ZRANB3: variants seen among roughly 807,000 people sequenced by gnomAD.
The protein encoded by ZRANB3 is DNA annealing helicase and endonuclease ZRANB3.
Under a neutral mutation model 133.8 loss-of-function variants are expected in ZRANB3, and 125 were observed. That is an observed-to-expected ratio of 0.93 (90% CI 0.81 to 1.08). ZRANB3 has a LOEUF of 1.08. Among genes scored for constraint, ZRANB3 ranks in the 50% least tolerant of loss-of-function variants. The probability of loss-of-function intolerance (pLI) is 0.00; values close to 1 mark genes in which losing one functional copy is unlikely to be tolerated. For synonymous variants in ZRANB3, 387 were observed against 432.7 expected, an observed-to-expected ratio of 0.89 and a Z score of 1.31; for missense variants, 1,229 against 1,275.5, an observed-to-expected ratio of 0.96 and a Z score of 0.56.
chr2:135,244,836 A>T (rs555128431), intron 12 of ZRANB3, among the ~76,000 whole-genome samples: 1 of 152,332 alleles, frequency 6.6e-6, no homozygotes, highest in African/African-American at 2.4e-5. Context: ...AGGCAGGTTG[A>T]GAGGTAAGGT....
chr2:135,260,989 GTA>G, intron 12 of ZRANB3, among the ~76,000 whole-genome samples: 1 of 145,862 alleles, frequency 6.9e-6, no homozygotes, highest in South Asian at 2.1e-4. Context: ...TATATATGTA[GTA>G]TATATATACT....
At chr2:135,420,601 T>C (rs2104968662) in intron 2 of ZRANB3, among the ~76,000 whole-genome samples, 1 of 152,320 alleles carries the variant, frequency 6.6e-6, no homozygotes, top group South Asian at 2.1e-4. Flanking sequence ...ATCCTACTTC[T>C]GAGGCTGAAG....
At chr2:135,202,701 G>T in intron 20 of ZRANB3, 131 bp downstream of exon 20, 1 of 1,143,816 alleles carries the variant, frequency 8.7e-7, no homozygotes, top group Non-Finnish European at 1.2e-6. Flanking sequence ...GTTGGGTGAT[G>T]AAAGGAGTAA....
chr2:135,237,661 A>G (rs904572149), intron 12 of ZRANB3, among the ~76,000 whole-genome samples: 4 of 152,106 alleles, frequency 2.6e-5, no homozygotes, highest in African/African-American at 9.7e-5. Context: ...TGAAGCTGGA[A>G]ACCATCATTC....
At chr2:135,213,835 A>G (rs1694198876) in intron 17 of ZRANB3, among the ~76,000 whole-genome samples, 1 of 152,166 alleles carries the variant, frequency 6.6e-6, no homozygotes, top group Non-Finnish European at 1.5e-5. Flanking sequence ...GCTCACTTTA[A>G]GATAGGGAGA....
At chr2:135,236,835 C>A (rs1695309022) in intron 12 of ZRANB3, among the ~76,000 whole-genome samples, 1 of 152,146 alleles carries the variant, frequency 6.6e-6, no homozygotes, top group Non-Finnish European at 1.5e-5. Context: ...ACCATAAAAG[C>A]CCTAGAAGAA....
chr2:135,386,747 A>G (rs903196905), intron 3 of ZRANB3, among the ~76,000 whole-genome samples: 1 of 152,212 alleles, frequency 6.6e-6, no homozygotes, highest in African/African-American at 2.4e-5. Context: ...CAAAGACAGA[A>G]AACTAAACAC....
At chr2:135,315,811 C>T (rs1280246598) in intron 6 of ZRANB3, among the ~76,000 whole-genome samples, 1 of 152,176 alleles carries the variant, frequency 6.6e-6, no homozygotes, top group African/African-American at 2.4e-5. Context: ...CACTAGGTCA[C>T]TGTTTGTAAA....
chr2:135,282,224 C>T (rs1681129678), intron 8 of ZRANB3, among the ~76,000 whole-genome samples: 1 of 152,066 alleles, frequency 6.6e-6, no homozygotes, highest in Admixed American at 6.6e-5. Context: ...ATAAGCAGAG[C>T]CAAGTACCAA....
chr2:135,256,560 T>A (rs1017135960), intron 12 of ZRANB3, among the ~76,000 whole-genome samples: 1 of 152,114 alleles, frequency 6.6e-6, no homozygotes, highest in Non-Finnish European at 1.5e-5. Context: ...ACTCCCAACC[T>A]CAGGTGACCC....
At chr2:135,255,533 C>A (rs1300717021) in intron 12 of ZRANB3, among the ~76,000 whole-genome samples, 1 of 152,154 alleles carries the variant, frequency 6.6e-6, no homozygotes, top group Non-Finnish European at 1.5e-5. Flanking sequence ...CAGGATGCTG[C>A]CCAATTCATG....
At chr2:135,450,284 T>C (rs986541425) in intron 2 of ZRANB3, among the ~76,000 whole-genome samples, 5 of 131,214 alleles carry the variant, frequency 3.8e-5, no homozygotes, top group African/African-American at 1.2e-4. Context: ...ACAAATAAAA[T>C]AAAATAAAAT....
intron 11 of ZRANB3, among the ~76,000 whole-genome samples, chr2:135,266,172 G>A (rs1312618077): frequency 6.6e-6 from 1 of 151,668 alleles, no homozygotes; most frequent in African/African-American, 2.4e-5. Flanking sequence ...TCCTGCCACC[G>A]CACTCCTGTG....
At chr2:135,307,108 C>T (rs1391501136) in intron 8 of ZRANB3, among the ~76,000 whole-genome samples, 1 of 152,064 alleles carries the variant, frequency 6.6e-6, no homozygotes, top group Non-Finnish European at 1.5e-5. Context: ...ACTCTGTTGT[C>T]CAGGCTGGAG....
At chr2:135,524,312 C>G (rs1443473887) in intron 1 of ZRANB3, among the ~76,000 whole-genome samples, 1 of 152,086 alleles carries the variant, frequency 6.6e-6, no homozygotes, top group Non-Finnish European at 1.5e-5. Context: ...GAACTCCCGA[C>G]CTCAGGTGAT....
At chr2:135,342,912 C>G (rs1454031956) in intron 6 of ZRANB3, among the ~76,000 whole-genome samples, 1 of 147,216 alleles carries the variant, frequency 6.8e-6, no homozygotes. Flanking sequence ...CACCTGTAAT[C>G]CCAGCACTTT....
chr2:135,465,958 T>A (rs1341216868), intron 2 of ZRANB3, among the ~76,000 whole-genome samples: 2 of 152,194 alleles, frequency 1.3e-5, no homozygotes, highest in Non-Finnish European at 2.9e-5. Flanking sequence ...CAAAATAAAT[T>A]TGATGGTTTC....
At chr2:135,428,914 G>A (rs573297739) in intron 2 of ZRANB3, among the ~76,000 whole-genome samples, 3 of 152,204 alleles carry the variant, frequency 2.0e-5, no homozygotes, top group Non-Finnish European at 4.4e-5. Flanking sequence ...AGAGAAATGG[G>A]AGTATTTATA....
chr2:135,364,354 G>A (rs575223656), intron 3 of ZRANB3, among the ~76,000 whole-genome samples: 1 of 152,058 alleles, frequency 6.6e-6, no homozygotes, highest in Non-Finnish European at 1.5e-5. Context: ...TCATTTCTGG[G>A]GTATCTGGTT....
Sources: allele counts gnomAD v4.1 joint callset (sites outside exome capture counted in the v4.1 genomes callset), GRCh38; gene constraint gnomAD v4.1.1; transcripts MANE v1.5; gene names NCBI Gene and HGNC (gene_info 2026-07-23, HGNC 2026-07-21).